The following ERAP1 variants were observed in gnomAD, a reference collection of about 807,000 sequenced individuals.
The protein encoded by ERAP1 is adipocyte-derived leucine aminopeptidase.
A neutral mutation model predicts 103.7 loss-of-function variants in ERAP1; 86 were observed. The ratio of observed to expected loss-of-function variants is 0.83; its 90% confidence interval spans 0.70 to 0.99. The LOEUF (loss-of-function observed/expected upper bound fraction) is 0.99. Among genes scored for constraint, ERAP1 ranks in the 50% least tolerant of loss-of-function variants. The pLI, the probability that ERAP1 is intolerant of heterozygous loss-of-function variation, is 0.00. For synonymous variants in ERAP1, 398 were observed against 402.4 expected (o/e 0.99, Z 0.13); for missense variants, 1,009 against 1,128.4 (o/e 0.89, Z 1.52).
At chr5:96,892,171 T>C in the ERAP1 span, 1 of 868,738 alleles carries the variant, frequency 1.2e-6, no homozygotes, top group Non-Finnish European at 1.8e-6. Context: ...AATGTTAAGA[T>C]ATTCTTGATG....
the ERAP1 span, among the ~76,000 whole-genome samples, chr5:96,888,548 A>G: frequency 6.6e-6 from 1 of 152,254 alleles, no homozygotes; most frequent in Admixed American, 6.5e-5. Flanking sequence ...GTGGCCGTTT[A>G]CATTTTTTCT....
In ERAP1 at chr5:96,781,071, T is replaced by C; in HGVS notation, c.2575A>G (p.Lys859Glu). The change falls in exon 17 of 19, where the codon AAA (lysine) becomes GAA (glutamate). Residue 859 changes from lysine to glutamate, a missense_variant. Lys to Glu is a moderately conservative substitution (Grantham distance 56). Coordinates refer to ENST00000443439, the MANE Select transcript of ERAP1 (RefSeq NM_001040458.3). The stretch of plus-strand genomic sequence containing the variant: ...GGCACCACTTACTTTTGTACAAGTT[T>C]GTTCCAGTTTTTCCTCAGAAATTGC... ...AWQFLRKNWN[K>E]LVQKFELGSS... 3 of 1,614,134 alleles carry C rather than the reference T, an allele frequency of 1.9e-6. No homozygotes were observed. Among genetic ancestry groups the C allele is most frequent in the Non-Finnish European group, 2.5e-6 (3 of 1,180,016 alleles).
At chr5:96,860,722 G>A in the ERAP1 span, among the ~76,000 whole-genome samples, 8 of 152,162 alleles carry the variant, frequency 5.3e-5, no homozygotes, top group African/African-American at 1.4e-4. Flanking sequence ...TCAGGGGAGT[G>A]GAATAAAAGG....
chr5:96,918,228 A>T, the ERAP1 span: 1 of 152,378 alleles, frequency 6.6e-6, no homozygotes, highest in South Asian at 2.1e-4. Flanking sequence ...AGCTGTAATT[A>T]TTTAGCCTCA....
chr5:96,875,545 AAAAAG>A, the ERAP1 span, among the ~76,000 whole-genome samples: 2 of 151,706 alleles, frequency 1.3e-5, no homozygotes, highest in Non-Finnish European at 2.9e-5. Flanking sequence ...CAAAAAAAAA[AAAAAG>A]AAAAGAAAAG....
the ERAP1 span, among the ~76,000 whole-genome samples, chr5:96,889,845 C>G: frequency 2.0e-5 from 3 of 151,916 alleles, no homozygotes; most frequent in African/African-American, 7.3e-5. Context: ...CACACACACA[C>G]ACACACACAC....
chr5:96,857,625 T>C, the ERAP1 span, among the ~76,000 whole-genome samples: 1 of 152,356 alleles, frequency 6.6e-6, no homozygotes, highest in African/African-American at 2.4e-5. Flanking sequence ...GAAGGTTACA[T>C]AGCCAAGAAA....
downstream of ERAP1, chr5:96,773,266 A>C (rs1195605154): frequency 6.5e-6 from 1 of 153,482 alleles, no homozygotes; most frequent in Non-Finnish European, 1.5e-5. Flanking sequence ...CTTCTTTGCC[A>C]GGTGTGAGGA....
the ERAP1 span, among the ~76,000 whole-genome samples, chr5:96,884,249 G>A: frequency 6.6e-6 from 1 of 152,096 alleles, no homozygotes; most frequent in Non-Finnish European, 1.5e-5. Flanking sequence ...ATTTCCTAGA[G>A]CAGTACTTCT....
At chr5:96,821,045 C>T in the ERAP1 span, among the ~76,000 whole-genome samples, 4 of 152,040 alleles carry the variant, frequency 2.6e-5, no homozygotes, top group Non-Finnish European at 5.9e-5. Context: ...CTGACAAGTC[C>T]AAAATTTGCA....
At chr5:96,763,023 C>T in exon 20 of ERAP1, 2 of 699,128 alleles carry the variant, frequency 2.9e-6, no homozygotes, top group Non-Finnish European at 5.3e-6. Flanking sequence ...GAGACCACAG[C>T]ACATCAAATT....
At chr5:96,808,021 G>T, upstream of ERAP1, 1 of 985,560 alleles carries the variant, frequency 1.0e-6, no homozygotes, top group Non-Finnish European at 1.2e-6. Context: ...GAAGCCCCTG[G>T]CTAAGGCGGG....
intron 4 of ERAP1, among the ~76,000 whole-genome samples, chr5:96,796,668 C>T (rs1370909947): frequency 6.6e-6 from 1 of 152,210 alleles, no homozygotes; most frequent in Non-Finnish European, 1.5e-5. Context: ...ACTCTCTCCA[C>T]GTTGTTGTTA....
chr5:96,774,925 T>C lies in ERAP1; in HGVS notation c.*1471A>G, dbSNP rs955001963. 38 of 984,156 alleles carry C rather than the reference T, an allele frequency of 3.9e-5. 1 individual carries two copies. The highest frequency in any genetic ancestry group is 2.8e-5 in the Non-Finnish European group (23 of 829,120). The allele number at this position is 984,156 out of a possible 1,614,324, so 61.0% of individuals were successfully genotyped here. A position where few individuals can be genotyped will look rare whatever the true frequency, so the allele number is the denominator to read the frequency against. ...ATTTTGACATTTTTCGTACCAATCA[T>C]CAATCATATTCCCTTATCTTGAAGT... On this transcript the variant is annotated 3_prime_UTR_variant, in exon 19 of 19. Transcript: ENST00000443439.
the ERAP1 span, among the ~76,000 whole-genome samples, chr5:96,818,714 G>A: frequency 2.0e-5 from 3 of 152,038 alleles, no homozygotes; most frequent in Non-Finnish European, 4.4e-5. Context: ...GTGAGAATCA[G>A]TAGCGTTTAA....
chr5:96,832,278 T>A, the ERAP1 span, among the ~76,000 whole-genome samples: 17,507 of 152,234 alleles, frequency 0.12, 1,291 homozygotes, highest in Middle Eastern at 0.24. Flanking sequence ...TCCCCTGAGA[T>A]GAATGCTGGC....
At chr5:96,790,446 G>A in intron 9 of ERAP1, 66 bp downstream of exon 9, 1 of 1,609,554 alleles carries the variant, frequency 6.2e-7, no homozygotes, top group Non-Finnish European at 8.5e-7. Context: ...ACATAATGCA[G>A]GGAAAACAAA....
the ERAP1 span, among the ~76,000 whole-genome samples, chr5:96,894,227 T>C: frequency 6.6e-6 from 1 of 152,188 alleles, no homozygotes; most frequent in Non-Finnish European, 1.5e-5. Context: ...TGCTAACTGG[T>C]AAAGTGGCTA....
the ERAP1 span, chr5:96,903,457 G>T: frequency 1.2e-6 from 2 of 1,613,958 alleles, no homozygotes; most frequent in Non-Finnish European, 1.7e-6. Context: ...TCACTATGAG[G>T]GTCATGGATG....
Sources: allele counts gnomAD v4.1 joint callset (sites outside exome capture counted in the v4.1 genomes callset), GRCh38; gene constraint gnomAD v4.1.1; transcripts MANE v1.5; gene names NCBI Gene and HGNC (gene_info 2026-07-23, HGNC 2026-07-21).